The following UBAP2 variants were observed in gnomAD, a reference collection of about 807,000 sequenced individuals.
The protein encoded by UBAP2 is ubiquitin associated protein 2, also known as ubiquitin-associated protein 2.
In UBAP2, 75 loss-of-function variants were observed where a neutral mutation model predicts 139.6. The ratio of observed to expected loss-of-function variants is 0.54; its 90% CI spans 0.45 to 0.65. The LOEUF is 0.65. UBAP2 is among the 30% of genes least tolerant of loss of function. The pLI, the probability that UBAP2 is intolerant of heterozygous loss-of-function variation, is 0.00. For synonymous variants in UBAP2, 526 were observed against 526.2 expected, an observed-to-expected ratio of 1.00 and a Z score of 0.01; for missense variants, 1,368 against 1,369.6, an observed-to-expected ratio of 1.00 and a Z score of 0.02.
At chr9:33,946,291 G>A (rs1277382409) in intron 13 of UBAP2, among the ~76,000 whole-genome samples, 1 of 151,304 alleles carries the variant, frequency 6.6e-6, no homozygotes, top group African/African-American at 2.4e-5. Context: ...TTTTTTCATT[G>A]TTTGTCTGCC....
At chr9:33,988,845 T>C in intron 5 of UBAP2, 128 bp downstream of exon 5, 3 of 1,049,146 alleles carry the variant, frequency 2.9e-6, no homozygotes, top group Non-Finnish European at 4.2e-6. Context: ...GTATGGAAAC[T>C]AAGAAAAAAT....
At chr9:33,971,608 TCAAA>T in intron 8 of UBAP2, 39 bp downstream of exon 8, 2 of 1,121,556 alleles carry the variant, frequency 1.8e-6, no homozygotes, top group Non-Finnish European at 2.7e-6. Flanking sequence ...TCTTAATAGC[TCAAA>T]CATTTAAAAC....
intron 2 of UBAP2, among the ~76,000 whole-genome samples, chr9:34,012,383 T>C (rs1823827812): frequency 6.6e-6 from 1 of 152,026 alleles, no homozygotes; most frequent in African/African-American, 2.4e-5. Context: ...ATATAAAAAT[T>C]TGCCAGGCAT....
At chr9:34,036,982 A>ATTTTTT (rs141751803) in intron 1 of UBAP2, among the ~76,000 whole-genome samples, 1 of 57,434 alleles carries the variant, frequency 1.7e-5, no homozygotes, top group Non-Finnish European at 3.1e-5. Context: ...ACACCCAGCT[A>ATTTTTT]TTTTTTTTTT....
chr9:34,034,863 T>C (rs1826192170), intron 1 of UBAP2, among the ~76,000 whole-genome samples: 1 of 132,566 alleles, frequency 7.5e-6, no homozygotes, highest in African/African-American at 2.9e-5. Context: ...ACAGCGAGAC[T>C]CAATCTCAAA....
intron 3 of UBAP2, chr9:33,998,572 G>T (rs543604216): frequency 4.9e-5 from 24 of 490,568 alleles, no homozygotes; most frequent in African/African-American, 4.5e-4. Flanking sequence ...AACTCAGAAA[G>T]ATTATATTGT....
rs897827086 is a variant in UBAP2, at chr9:33,922,346, T to A, written c.*158A>T. ...TTTACAAATACATACATAAATACAT[T>A]ACATACAGTAGCCAGTCTGGGAGGC... On this transcript the variant is annotated 3_prime_UTR_variant, in exon 29 of 29. Coordinates refer to ENST00000379238, the MANE Select transcript of UBAP2 (RefSeq NM_001370062.2). 5 of 709,876 alleles carry A rather than the reference T, an allele frequency of 7.0e-6. No homozygotes were observed. Among genetic ancestry groups the A allele is most frequent in the Non-Finnish European group, 1.2e-5 (5 of 408,882 alleles). 44.0% of individuals were successfully genotyped at this position (709,876 alleles called of 1,614,324 possible). A position where few individuals can be genotyped will look rare whatever the true frequency, so the allele number is the denominator to read the frequency against.
intron 16 of UBAP2, among the ~76,000 whole-genome samples, chr9:33,940,055 A>AG (rs1825070760): frequency 1.4e-5 from 2 of 146,154 alleles, no homozygotes; most frequent in Non-Finnish European, 3.1e-5. Context: ...GGAGAGGGAG[A>AG]GGGGAAAGAA....
In UBAP2 at chr9:33,944,422, G is replaced by C. The variant is rs200594160; in HGVS notation, c.1488C>G (p.His496Gln). 25 of 1,614,032 alleles carry C rather than the reference G, an allele frequency of 1.5e-5. No homozygotes were observed. The highest frequency in any genetic ancestry group is 1.8e-5 in the Non-Finnish European group (21 of 1,180,034). ...TTIENISVSV[H>Q]QPQPKHIKLA... is the part of the protein sequence containing the mutation. ...GTTTGATGTGTTTGGGCTGTGGCTGGTGGACAGACACAGAGATATTTTCAA... is the reference window on the plus strand; with the variant it reads ...GTTTGATGTGTTTGGGCTGTGGCTGCTGGACAGACACAGAGATATTTTCAA... The change falls in exon 14 of 29, where the codon CAC becomes CAG. Residue 496 changes from histidine to glutamine, a missense_variant. Transcript: ENST00000379238.
chr9:33,948,656 T>C (rs1332990339), intron 12 of UBAP2, 69 bp from the exon 13 acceptor site: 1 of 1,250,074 alleles, frequency 8.0e-7, no homozygotes, highest in Non-Finnish European at 1.1e-6. Flanking sequence ...TTAAAACATA[T>C]CAAGTATTTT....
chr9:33,998,379 C>T (rs1293996951), intron 3 of UBAP2: 1 of 160,190 alleles, frequency 6.2e-6, no homozygotes, highest in African/African-American at 2.4e-5. Context: ...GCCTGGGCAA[C>T]AGAGTGAGAC....
chr9:33,928,039 A>G (rs563243004), intron 19 of UBAP2, 47 bp from the exon 20 acceptor site: 2 of 1,569,820 alleles, frequency 1.3e-6, no homozygotes, highest in African/African-American at 2.7e-5. Flanking sequence ...GCAGAGGAGG[A>G]GGGTGCTGGG....
chr9:34,017,142 T>A lies in UBAP2; in HGVS notation c.7A>T (p.Thr3Ser). The A allele has an allele frequency of 6.2e-7, 1 of 1,604,042 alleles. No individual in the cohort carries two copies. Among genetic ancestry groups the A allele is most frequent in the Non-Finnish European group, 8.5e-7 (1 of 1,176,724 alleles). The change falls in exon 2 of 29, where the codon ACT becomes TCT. Residue 3 changes from threonine (T) to serine (S), a missense_variant. Coordinates refer to ENST00000379238, the MANE Select transcript of UBAP2 (RefSeq NM_001370062.2). ...CGACAATGGTCACTGCTCACTGAAG[T>A]CATCATATACAGTATATACAAAATA... Reference protein sequence around the residue: MMTSVSSDHCRGA... With the variant: MMSSVSSDHCRGA...
chr9:33,926,045 C>T (rs1176726937), intron 22 of UBAP2, among the ~76,000 whole-genome samples: 2 of 152,222 alleles, frequency 1.3e-5, no homozygotes, highest in Non-Finnish European at 2.9e-5. Context: ...AAAGAGGCAA[C>T]CCTGGTCTCA....
rs1824190328 is a variant in UBAP2, at chr9:33,933,542, T to C, written c.2056A>G (p.Thr686Ala). The change falls in exon 18 of 29, where the codon ACA (threonine) becomes GCA (alanine). Residue 686 changes from threonine to alanine, a missense_variant. Transcript: ENST00000379238. ...TTSCTALLPS[T>A]SQHTGDLTSS... ...GTCAGGTCGCCAGTGTGCTGGGATG[T>C]GGACGGCAGAAGTGCAGTGCAGGAG... 6.2e-7 allele frequency: 1 copy of C among 1,613,774 alleles called. No homozygotes were observed. Among genetic ancestry groups the C allele is most frequent in the African/African-American group, 1.3e-5 (1 of 74,880 alleles).
intron 1 of UBAP2, among the ~76,000 whole-genome samples, chr9:34,042,952 AAGCTACTC>A (rs1827227107): frequency 6.6e-6 from 1 of 151,858 alleles, no homozygotes; most frequent in Non-Finnish European, 1.5e-5. Context: ...CCTGTGGTCC[AAGCTACTC>A]AGGAGGCTGA....
At chr9:34,002,163 A>G (rs531331768) in intron 2 of UBAP2, among the ~76,000 whole-genome samples, 4 of 151,670 alleles carry the variant, frequency 2.6e-5, no homozygotes, top group Non-Finnish European at 5.9e-5. Flanking sequence ...TGTGTTGCCC[A>G]TGCTGGTCTC....
chr9:33,998,774 G>T lies in UBAP2; in HGVS notation c.177+13C>A. ...GATTATAAAAATGATGATATCCTTT[G>T]CCAGAAACATACCTGCTTAACTTTA... On this transcript the variant is annotated intron_variant, in intron 3 of 28. Transcript: ENST00000379238. The T allele has an allele frequency of 6.2e-7, 1 of 1,603,244 alleles. No individual in the cohort carries two copies. The highest frequency in any genetic ancestry group is 8.5e-7 in the Non-Finnish European group (1 of 1,174,420).
intron 22 of UBAP2, among the ~76,000 whole-genome samples, chr9:33,925,231 C>A (rs2130854785): frequency 6.6e-6 from 1 of 152,282 alleles, no homozygotes; most frequent in East Asian, 1.9e-4. Flanking sequence ...GGCACTCACA[C>A]CCTCCAGGAA....
Sources: gnomAD v4.1 joint callset for allele counts (sites outside exome capture counted in the v4.1 genomes callset) on GRCh38, gnomAD v4.1.1 for gene constraint, MANE v1.5 for transcripts, NCBI Gene and HGNC (gene_info 2026-07-23, HGNC 2026-07-21) for gene names.